Variants in TTR observed in about 807,000 individuals in gnomAD.
TTR encodes the protein transthyretin, also known as epididymis luminal protein 111.
Under a neutral mutation model 13.7 loss-of-function variants are expected in TTR, and 8 were observed. The ratio of observed to expected loss-of-function variants is 0.58; its 90% CI spans 0.34 to 1.05. The LOEUF (loss-of-function observed/expected upper bound fraction) is 1.05. TTR is among the 50% of genes least tolerant of loss of function. The pLI is 0.02. For missense variants in TTR, 135 were observed against 185.5 expected (o/e 0.73, Z 1.58); for synonymous variants, 75 against 71.7 (o/e 1.05, Z -0.23).
intron 1 of TTR, 44 bp from the exon 2 acceptor site, chr18:31,592,852 C>G (rs1357886653): frequency 6.2e-7 from 1 of 1,611,386 alleles, no homozygotes; most frequent in Admixed American, 1.7e-5. Flanking sequence ...TCCTTTCACT[C>G]TGATCAATTT....
chr18:31,596,327 G>A (rs1203407733), intron 3 of TTR: 1 of 152,916 alleles, frequency 6.5e-6, no homozygotes, highest in Non-Finnish European at 1.5e-5. Context: ...GAAACAACAG[G>A]GGTTTGTTTG....
intron 3 of TTR, chr18:31,596,088 T>G (rs2073515303): frequency 6.4e-6 from 1 of 155,652 alleles, no homozygotes; most frequent in South Asian, 2.0e-4. Flanking sequence ...GTGAGGATCT[T>G]CAAACAGTTA....
chr18:31,594,750 G>C (rs1331159906), intron 2 of TTR, among the ~76,000 whole-genome samples: 1 of 152,100 alleles, frequency 6.6e-6, no homozygotes, highest in Non-Finnish European at 1.5e-5. Context: ...TGTAATCCCA[G>C]CTAATTGGGA....
rs1215630426 is a variant in TTR, at chr18:31,591,967, C to T, written c.65C>T (p.Pro22Leu). The T allele has an allele frequency of 1.2e-6, 2 of 1,614,004 alleles. No individual in the cohort carries two copies. Among genetic ancestry groups the T allele is most frequent in the African/African-American group, 2.7e-5 (2 of 74,902 alleles). ...CTGGTATTTGTGTCTGAGGCTGGCC[C>T]TACGGTGAGTGTTTCTGTGACATCC... ...AGLVFVSEAGPTGTGESKCPL... is the reference protein window; with the variant it reads ...AGLVFVSEAGLTGTGESKCPL... The change falls in exon 1 of 4, where the codon CCT becomes CTT. Residue 22 changes from proline to leucine, a missense_variant. Pro to Leu is a moderately conservative substitution (Grantham distance 98). Coordinates refer to ENST00000237014, the MANE Select transcript of TTR (RefSeq NM_000371.4).
intron 1 of TTR, among the ~76,000 whole-genome samples, 153 bp from the exon 2 acceptor site, chr18:31,592,743 G>T (rs965516863): frequency 6.6e-6 from 1 of 152,212 alleles, no homozygotes; most frequent in Non-Finnish European, 1.5e-5. Context: ...GTTATACTGA[G>T]TAGGGAAGCT....
intron 2 of TTR, 103 bp from the exon 3 acceptor site, chr18:31,595,017 G>A (rs1360516270): frequency 7.7e-7 from 1 of 1,292,432 alleles, no homozygotes. Flanking sequence ...TTCATAACAT[G>A]TTTATAACAT....
chr18:31,598,603 C>T lies in TTR; in HGVS notation c.372C>T (p.Arg124=). 6.2e-7 allele frequency: 1 copy of T among 1,614,242 alleles called. No homozygotes were observed. Among genetic ancestry groups the T allele is most frequent in the Non-Finnish European group, 8.5e-7 (1 of 1,180,040 alleles). ...CAGCCAACGACTCCGGCCCCCGCCGCTACACCATTGCCGCCCTGCTGAGCC... is the reference window on the plus strand; with the variant it reads ...CAGCCAACGACTCCGGCCCCCGCCGTTACACCATTGCCGCCCTGCTGAGCC... ...VFTANDSGPR[R]YTIAALLSPY... The change falls in exon 4 of 4, where the codon CGC becomes CGT. Residue 124 remains arginine, a synonymous_variant. Coordinates refer to ENST00000237014, the MANE Select transcript of TTR (RefSeq NM_000371.4).
chr18:31,595,157 A>G lies in TTR; in HGVS notation c.238A>G (p.Thr80Ala), dbSNP rs121918070. The change falls in exon 3 of 4, where the codon ACT (threonine) becomes GCT (alanine). Residue 80 changes from threonine (T) to alanine (A), a missense_variant. By Grantham distance (58) the Thr-to-Ala change is moderately conservative. Coordinates refer to ENST00000237014, the MANE Select transcript of TTR (RefSeq NM_000371.4). ...SESGELHGLT[T>A]EEEFVEGIYK... ...GTCTGGAGAGCTGCATGGGCTCACA[A>G]CTGAGGAGGAATTTGTAGAAGGGAT... 1.7e-5 allele frequency: 27 copies of G among 1,614,060 alleles called. No individual in the cohort carries two copies. The highest frequency in any genetic ancestry group is 1.7e-5 in the Non-Finnish European group (20 of 1,180,032).
intron 2 of TTR, among the ~76,000 whole-genome samples, chr18:31,594,048 A>T (rs911048030): frequency 9.2e-5 from 14 of 152,234 alleles, no homozygotes; most frequent in Non-Finnish European, 1.6e-4. Context: ...GCCAAGCATA[A>T]CATGAAAAGT....
At position 31,591,916 on chromosome 18, in the gene TTR, G is replaced by A. The variant is rs138657343; in HGVS notation, c.14G>A (p.Arg5His). 1.4e-4 allele frequency: 227 copies of A among 1,614,140 alleles called. 1 individual carries two copies. The highest frequency in any genetic ancestry group is 1.5e-4 in the Non-Finnish European group (176 of 1,180,022). MASHRLLLLCLAGLV... is the reference protein window; with the variant it reads MASHHLLLLCLAGLV... Reference sequence around the variant, plus strand: ...ATTCTTGGCAGGATGGCTTCTCATCGTCTGCTCCTCCTCTGCCTTGCTGGA... The same window carrying A: ...ATTCTTGGCAGGATGGCTTCTCATCATCTGCTCCTCCTCTGCCTTGCTGGA... The change falls in exon 1 of 4, where the codon CGT (arginine) becomes CAT (histidine). Residue 5 changes from arginine (R) to histidine (H), a missense_variant. Transcript: ENST00000237014.
At chr18:31,593,479 G>T (rs188332538) in intron 2 of TTR, 2 of 242,144 alleles carry the variant, frequency 8.3e-6, no homozygotes, top group East Asian at 2.0e-4. Context: ...AAGGTATAAT[G>T]TGTATTAACC....
intron 2 of TTR, among the ~76,000 whole-genome samples, chr18:31,594,878 T>C (rs1051843856): frequency 6.6e-6 from 1 of 151,884 alleles, no homozygotes; most frequent in Non-Finnish European, 1.5e-5. Flanking sequence ...AAAAAAAAAT[T>C]ATACCTACAT....
intron 3 of TTR, chr18:31,598,222 A>G (rs1250727337): frequency 1.6e-5 from 6 of 379,568 alleles, no homozygotes; most frequent in Non-Finnish European, 2.5e-5. Context: ...CAATGACTCA[A>G]TGCAGTTTTG....
chr18:31,598,611 T>C lies in TTR; in HGVS notation c.380T>C (p.Ile127Thr), dbSNP rs768497450. 6.2e-7 allele frequency: 1 copy of C among 1,614,192 alleles called. No individual in the cohort carries two copies. The highest frequency in any genetic ancestry group is 8.5e-7 in the Non-Finnish European group (1 of 1,180,032). ...GACTCCGGCCCCCGCCGCTACACCA[T>C]TGCCGCCCTGCTGAGCCCCTACTCC... ...ANDSGPRRYT[I>T]AALLSPYSYS... The change falls in exon 4 of 4, where the codon ATT becomes ACT. Residue 127 changes from isoleucine (I) to threonine (T), a missense_variant. By Grantham distance (89) the Ile-to-Thr change is moderately conservative. Coordinates refer to ENST00000237014, the MANE Select transcript of TTR (RefSeq NM_000371.4).
At chr18:31,594,246 A>G (rs563075924) in intron 2 of TTR, among the ~76,000 whole-genome samples, 1 of 152,352 alleles carries the variant, frequency 6.6e-6, no homozygotes, top group Admixed American at 6.5e-5. Flanking sequence ...GTCAAATGGG[A>G]AGCAATTTCC....
In TTR at chr18:31,595,233, C is replaced by T. The variant is rs1322942118; in HGVS notation, c.314C>T (p.Ser105Phe). The change falls in exon 3 of 4, where the codon TCC becomes TTC. Residue 105 changes from serine (S) to phenylalanine (F), a missense_variant. Coordinates refer to ENST00000237014, the MANE Select transcript of TTR (RefSeq NM_000371.4). ...TKSYWKALGI[S>F]PFHEHAEVVF... The stretch of plus-strand genomic sequence containing the variant: ...TCTTACTGGAAGGCACTTGGCATCT[C>T]CCCATTCCATGAGCATGCAGAGGTG... 1 of 1,614,030 alleles carries T rather than the reference C, an allele frequency of 6.2e-7. No individual in the cohort carries two copies. The highest frequency in any genetic ancestry group is 1.3e-5 in the African/African-American group (1 of 74,918).
At chr18:31,593,270 C>T (rs2073496233) in intron 2 of TTR, 8 of 459,326 alleles carry the variant, frequency 1.7e-5, no homozygotes, top group Admixed American at 3.4e-5. Context: ...GAACTCCTCT[C>T]CTCTAGCTGT....
intron 2 of TTR, 40 bp downstream of exon 2, chr18:31,593,066 T>C: frequency 6.2e-7 from 1 of 1,611,988 alleles, no homozygotes. Flanking sequence ...CTTGGTTTTA[T>C]CTTCCCGTTT....
intron 2 of TTR, 75 bp from the exon 3 acceptor site, chr18:31,595,045 G>T: frequency 6.7e-7 from 1 of 1,490,628 alleles, no homozygotes; most frequent in Non-Finnish European, 9.3e-7. Context: ...TGTGTTAGTT[G>T]GTGGGGGTGT....
Sources: gnomAD v4.1 joint callset for allele counts (sites outside exome capture counted in the v4.1 genomes callset) on GRCh38, gnomAD v4.1.1 for gene constraint, MANE v1.5 for transcripts, NCBI Gene and HGNC (gene_info 2026-07-23, HGNC 2026-07-21) for gene names.